Variants in SECISBP2 observed in about 807,000 individuals in gnomAD.
SECISBP2 encodes the protein SECIS binding protein 2.
A neutral mutation model predicts 98.2 loss-of-function variants in SECISBP2; 96 were observed. That is an observed-to-expected ratio of 0.98 (90% CI 0.83 to 1.16). The LOEUF (loss-of-function observed/expected upper bound fraction) is 1.16, where lower values mean the gene tolerates loss of function less well. SECISBP2 is among the 50% of genes most tolerant of loss of function. The pLI is 0.00. For synonymous variants in SECISBP2, 407 were observed against 370.2 expected, an observed-to-expected ratio of 1.10 and a Z score of -1.14; for missense variants, 1,046 against 1,022.9, an observed-to-expected ratio of 1.02 and a Z score of -0.31.
Position 89,358,986 on chromosome 9 carries a change from C to G in SECISBP2, c.*162C>G, listed in dbSNP as rs1263717580. 2.6e-5 allele frequency: 17 copies of G among 653,424 alleles called. No individual in the cohort carries two copies. In the East Asian group the frequency reaches 4.2e-4, roughly 16 times the overall value. 40.5% of individuals were successfully genotyped at this position (653,424 alleles called of 1,614,324 possible). ...ACATGAAGCAGTGTCTGCAGGCGTT[C>G]AGTGCTGCGGAGCCTGTTAAAGGTC... On this transcript the variant is annotated 3_prime_UTR_variant, in exon 17 of 17. Transcript: ENST00000375807.
chr9:89,329,217 A>G (rs527649387), intron 5 of SECISBP2: 67 of 295,246 alleles, frequency 2.3e-4, no homozygotes, highest in African/African-American at 1.4e-3. Context: ...GGTTCAAGCA[A>G]TTCTCCTGCC....
chr9:89,358,173 A>G lies in SECISBP2; in HGVS notation c.2443A>G (p.Lys815Glu), dbSNP rs775852424. Reference sequence around the variant, plus strand: ...AGATGGCCCCCCAGCCCTGAAAGAAAAAGAAGAGCCACACTACAGTGAGTG... The same window carrying G: ...AGATGGCCCCCCAGCCCTGAAAGAAGAAGAAGAGCCACACTACAGTGAGTG... ...AEDGPPALKE[K>E]EEPHYIEIWK... is the part of the protein sequence containing the mutation. The change falls in exon 16 of 17, where the codon AAA (lysine) becomes GAA (glutamate). Residue 815 changes from lysine (K) to glutamate (E), a missense_variant. Physicochemically the swap from Lys to Glu is moderately conservative, Grantham distance 56. Coordinates refer to ENST00000375807, the MANE Select transcript of SECISBP2 (RefSeq NM_024077.5). The G allele has an allele frequency of 1.2e-6, 2 of 1,609,964 alleles. No individual in the cohort carries two copies. Among genetic ancestry groups the G allele is most frequent in the Non-Finnish European group, 1.7e-6 (2 of 1,178,706 alleles).
At chr9:89,349,251 G>A (rs1462940317) in intron 12 of SECISBP2, among the ~76,000 whole-genome samples, 1 of 152,156 alleles carries the variant, frequency 6.6e-6, no homozygotes, top group East Asian at 1.9e-4. Flanking sequence ...TAACTAGTTG[G>A]GGACAGTAAG....
intron 5 of SECISBP2, among the ~76,000 whole-genome samples, chr9:89,332,386 G>T (rs1293558938): frequency 8.5e-5 from 13 of 152,152 alleles, no homozygotes; most frequent in Non-Finnish European, 1.8e-4. Flanking sequence ...CTAAGAGTTT[G>T]GGGAAATGCA....
intron 8 of SECISBP2, among the ~76,000 whole-genome samples, chr9:89,339,494 G>A (rs1829322694): frequency 6.6e-6 from 1 of 152,076 alleles, no homozygotes; most frequent in Non-Finnish European, 1.5e-5. Context: ...TATTAGCCTG[G>A]GTTCACCAGA....
chr9:89,344,091 G>A (rs899547750), intron 10 of SECISBP2, among the ~76,000 whole-genome samples: 2 of 152,086 alleles, frequency 1.3e-5, no homozygotes, highest in African/African-American at 2.4e-5. Flanking sequence ...GGTTTTTCTC[G>A]TATGCTTGTT....
chr9:89,336,827 A>C, intron 7 of SECISBP2, among the ~76,000 whole-genome samples: 1 of 131,946 alleles, frequency 7.6e-6, no homozygotes, highest in African/African-American at 3.0e-5. Context: ...GTTGGAGTGC[A>C]ATGGCGTGAT....
chr9:89,333,928 G>GTCGCC, intron 6 of SECISBP2: 1 of 628,144 alleles, frequency 1.6e-6, no homozygotes. Flanking sequence ...TCTAGTGAGG[G>GTCGCC]GAACAGTCTG....
At chr9:89,334,936 C>T (rs1019157563) in intron 7 of SECISBP2, among the ~76,000 whole-genome samples, 2 of 152,130 alleles carry the variant, frequency 1.3e-5, no homozygotes, top group Non-Finnish European at 2.9e-5. Context: ...TAAGACGGGC[C>T]GGGTGCGGTG....
chr9:89,334,518 G>A lies in SECISBP2; in HGVS notation c.881-4G>A, dbSNP rs769693622. 4.5e-5 allele frequency: 73 copies of A among 1,613,336 alleles called. 1 individual carries two copies. Among genetic ancestry groups the A allele is most frequent in the Admixed American group, 1.2e-4 (7 of 59,996 alleles). The stretch of plus-strand genomic sequence containing the variant: ...GTTCAACAATTTTGGTTATCTTTGA[G>A]CAGAGTTATCTTGGACACCAATGGG... On this transcript the variant is annotated splice_region_variant and splice_polypyrimidine_tract_variant and intron_variant, in intron 6 of 16. Coordinates refer to ENST00000375807, the MANE Select transcript of SECISBP2 (RefSeq NM_024077.5).
At chr9:89,364,213 C>T (rs1833219503), downstream of SECISBP2, 1 of 614,636 alleles carries the variant, frequency 1.6e-6, no homozygotes, top group Non-Finnish European at 2.7e-6. Context: ...CCTGTGTCCC[C>T]TAGGACCCCC....
chr9:89,336,235 C>T (rs549026765), intron 7 of SECISBP2, among the ~76,000 whole-genome samples: 7 of 151,566 alleles, frequency 4.6e-5, no homozygotes, highest in South Asian at 2.1e-4. Flanking sequence ...AGGGTTTTGC[C>T]GTGTTTCCCA....
At chr9:89,338,697 T>C in intron 8 of SECISBP2, 117 bp downstream of exon 8, 1 of 1,101,342 alleles carries the variant, frequency 9.1e-7, no homozygotes, top group Non-Finnish European at 1.3e-6. Context: ...TAATGATCAT[T>C]TTTGTAGTGC....
In SECISBP2 at chr9:89,325,513, A is replaced by G. The variant is rs144448321; in HGVS notation, c.269A>G (p.Tyr90Cys). 4.8e-4 allele frequency: 770 copies of G among 1,613,756 alleles called. No homozygotes were observed. Among genetic ancestry groups the G allele is most frequent in the Non-Finnish European group, 3.5e-4 (410 of 1,179,958 alleles). ...TCTTCTGAGATAACTCTTCATCCAT[A>G]TGCCTATTCTCCTTATACCCTTGAC... ...YLSSEITLHP[Y>C]AYSPYTLDST... The change falls in exon 3 of 17, where the codon TAT (tyrosine) becomes TGT (cysteine). Residue 90 changes from tyrosine (Y) to cysteine (C), a missense_variant. Physicochemically the swap from Tyr to Cys is radical, Grantham distance 194. Coordinates refer to ENST00000375807, the MANE Select transcript of SECISBP2 (RefSeq NM_024077.5).
chr9:89,329,144 C>G (rs376223051), intron 5 of SECISBP2: 4 of 439,394 alleles, frequency 9.1e-6, no homozygotes, highest in Non-Finnish European at 1.7e-5. Flanking sequence ...AACGGAGTCT[C>G]GCTCTGTCAC....
At chr9:89,323,049 A>G (rs961126143) in intron 2 of SECISBP2, 6 of 152,236 alleles carry the variant, frequency 3.9e-5, no homozygotes, top group Non-Finnish European at 7.3e-5. Context: ...CTGTTGAAAT[A>G]AAAAAGAGCC....
At chr9:89,341,051 G>C (rs1166783533) in intron 9 of SECISBP2, among the ~76,000 whole-genome samples, 1 of 152,006 alleles carries the variant, frequency 6.6e-6, no homozygotes, top group Non-Finnish European at 1.5e-5. Flanking sequence ...CTTTATACAA[G>C]TGCTAGTGTC....
chr9:89,338,659 T>G, intron 8 of SECISBP2, 79 bp downstream of exon 8: 2 of 1,443,012 alleles, frequency 1.4e-6, no homozygotes, highest in Non-Finnish European at 1.9e-6. Flanking sequence ...TCATATTGGT[T>G]TCCTAAGTGA....
Position 89,348,172 on chromosome 9 carries a change from AGT to A in SECISBP2, c.1698_1699del (p.Ser566ArgfsTer3). On this transcript the variant is annotated frameshift_variant, in exon 12 of 17. Transcript: ENST00000375807. LOFTEE classifies it high-confidence loss of function. Reference sequence around the variant, plus strand: ...CAGTGATGACACACAAGATGGAGAGAGTGGTGGTGATGACCAGTTTCCCGAGC... The same window carrying A: ...CAGTGATGACACACAAGATGGAGAGAGGTGGTGATGACCAGTTTCCCGAGC... ...FTSDDTQDGE[S>X]GGDDQFPEQA... The A allele has an allele frequency of 4.3e-6, 7 of 1,614,176 alleles. No individual in the cohort carries two copies. The highest frequency in any genetic ancestry group is 5.9e-6 in the Non-Finnish European group (7 of 1,180,006).
Sources: gnomAD v4.1 joint callset for allele counts (sites outside exome capture counted in the v4.1 genomes callset) on GRCh38, gnomAD v4.1.1 for gene constraint, MANE v1.5 for transcripts, NCBI Gene and HGNC (gene_info 2026-07-23, HGNC 2026-07-21) for gene names.